Variants in ZFHX3 observed in about 807,000 individuals in gnomAD.
The protein encoded by ZFHX3 is zinc finger homeobox protein 3.
In ZFHX3, 42 loss-of-function variants were observed where a neutral mutation model predicts 279.1. That is an observed-to-expected ratio of 0.15 (90% CI 0.12 to 0.19). ZFHX3 has a LOEUF of 0.19. Ranked by LOEUF, ZFHX3 falls within the 10% of genes least tolerant of loss-of-function variation. The probability of loss-of-function intolerance (pLI) is 1.00; values close to 1 mark genes in which losing one functional copy is unlikely to be tolerated. For missense variants in ZFHX3, 4,981 were observed against 4,754.0 expected (o/e 1.05, Z -1.40); for synonymous variants, 2,293 against 1,957.8 (o/e 1.17, Z -4.52).
chr16:73,699,144 A>G (rs1421503175), intron 1 of ZFHX3, among the ~76,000 whole-genome samples: 2 of 152,160 alleles, frequency 1.3e-5, no homozygotes, highest in East Asian at 1.9e-4. Context: ...TGGCCTCCCA[A>G]TCAAGTACGG....
intron 3 of ZFHX3, among the ~76,000 whole-genome samples, chr16:73,329,194 C>A (rs1030509980): frequency 6.6e-6 from 1 of 152,230 alleles, no homozygotes; most frequent in Admixed American, 6.5e-5. Flanking sequence ...GGGTGGCGAA[C>A]CAGATTCACC....
chr16:73,158,967 A>G (rs762255117), intron 5 of ZFHX3, among the ~76,000 whole-genome samples: 1 of 152,244 alleles, frequency 6.6e-6, no homozygotes, highest in Non-Finnish European at 1.5e-5. Flanking sequence ...ACTCAAAACC[A>G]TGAAAACCCT....
chr16:73,775,615 C>T (rs1312183366), intron 1 of ZFHX3, among the ~76,000 whole-genome samples: 2 of 152,148 alleles, frequency 1.3e-5, no homozygotes, highest in African/African-American at 2.4e-5. Context: ...TAACCTCTAA[C>T]ACTGATGAAA....
intron 4 of ZFHX3, among the ~76,000 whole-genome samples, chr16:73,297,909 G>T (rs1248694843): frequency 6.6e-6 from 1 of 151,884 alleles, no homozygotes; most frequent in Non-Finnish European, 1.5e-5. Context: ...CTTTGTCCAG[G>T]CTTGGTGACT....
chr16:73,426,571 G>C (rs1157107477), intron 3 of ZFHX3, among the ~76,000 whole-genome samples: 1 of 151,970 alleles, frequency 6.6e-6, no homozygotes, highest in South Asian at 2.1e-4. Flanking sequence ...ATAATCATAG[G>C]GTGTGTGTGT....
In ZFHX3 at chr16:72,823,638, G is replaced by T. The variant is rs573213976; in HGVS notation, c.3529+6141C>A. Among the ~76,000 whole-genome samples, 8 of 152,310 alleles carry T rather than the reference G, an allele frequency of 5.3e-5. No homozygotes were observed. In the East Asian group the frequency reaches 1.5e-3, roughly 29 times the overall value. On this transcript the variant is annotated intron_variant, in intron 5 of 9. Transcript: ENST00000268489. ...GTATATTAACTAGCCACAGACAAGAGAAATCTGGGAAAGTTATTAGCATTC... is the reference window on the plus strand; with the variant it reads ...GTATATTAACTAGCCACAGACAAGATAAATCTGGGAAAGTTATTAGCATTC...
chr16:73,759,628 C>T (rs960774781), intron 1 of ZFHX3, among the ~76,000 whole-genome samples: 1 of 152,166 alleles, frequency 6.6e-6, no homozygotes, highest in African/African-American at 2.4e-5. Context: ...TCTTTAAGGA[C>T]TCCCTACTCA....
intron 1 of ZFHX3, among the ~76,000 whole-genome samples, chr16:73,860,346 T>C (rs1472316604): frequency 6.6e-6 from 1 of 152,178 alleles, no homozygotes; most frequent in East Asian, 1.9e-4. Context: ...CTTTTCAAAC[T>C]CTTCCATTTT....
At chr16:73,222,439 A>C (rs1051296334) in intron 5 of ZFHX3, among the ~76,000 whole-genome samples, 4 of 152,134 alleles carry the variant, frequency 2.6e-5, no homozygotes, top group Admixed American at 2.6e-4. Context: ...AACAAGTGGA[A>C]TTTGAAATTA....
chr16:73,872,157 A>G (rs77317782), intron 1 of ZFHX3, among the ~76,000 whole-genome samples: 3,328 of 152,296 alleles, frequency 0.022, 52 homozygotes, highest in Non-Finnish European at 0.033. Context: ...CCCAAAAGCC[A>G]TGACCAACAC....
At chr16:73,816,929 G>A (rs548319026) in intron 1 of ZFHX3, among the ~76,000 whole-genome samples, 1 of 152,304 alleles carries the variant, frequency 6.6e-6, no homozygotes, top group Admixed American at 6.5e-5. Flanking sequence ...GAAATCCAAT[G>A]AGGTTGCAGT....
intron 2 of ZFHX3, among the ~76,000 whole-genome samples, chr16:73,537,483 ATTGT>A (rs2019925523): frequency 6.6e-6 from 1 of 152,002 alleles, no homozygotes; most frequent in Middle Eastern, 3.4e-3. Context: ...CGCCCGGCTA[ATTGT>A]TTGTATTTCT....
intron 2 of ZFHX3, among the ~76,000 whole-genome samples, chr16:73,458,607 C>T (rs907352726): frequency 6.6e-6 from 1 of 152,138 alleles, no homozygotes; most frequent in Admixed American, 6.5e-5. Flanking sequence ...ATCCACTCAC[C>T]TCGGCTTACA....
At chr16:73,072,096 G>A (rs62052366) in intron 8 of ZFHX3, among the ~76,000 whole-genome samples, 5,598 of 152,334 alleles carry the variant, frequency 0.037, 152 homozygotes, top group African/African-American at 0.078. Flanking sequence ...AGAAAGGTGG[G>A]ATTCTACCTG....
intron 3 of ZFHX3, among the ~76,000 whole-genome samples, chr16:73,342,835 C>A (rs745818514): frequency 3.3e-5 from 5 of 152,072 alleles, no homozygotes; most frequent in Non-Finnish European, 5.9e-5. Context: ...GGGAGAACAC[C>A]CCTAATAGAA....
intron 5 of ZFHX3, among the ~76,000 whole-genome samples, chr16:73,191,979 T>G (rs549860902): frequency 6.6e-6 from 1 of 152,276 alleles, no homozygotes; most frequent in East Asian, 1.9e-4. Flanking sequence ...ACCCTGGGCC[T>G]CCCCCGTTAG....
intron 1 of ZFHX3, among the ~76,000 whole-genome samples, chr16:73,872,342 T>C (rs985655574): frequency 2.6e-5 from 4 of 152,096 alleles, no homozygotes; most frequent in Non-Finnish European, 5.9e-5. Context: ...CCCAGGCTCT[T>C]AGCCTCCCCA....
intron 1 of ZFHX3, among the ~76,000 whole-genome samples, chr16:73,857,303 G>A (rs1295060511): frequency 6.6e-6 from 1 of 152,182 alleles, no homozygotes; most frequent in Admixed American, 6.5e-5. Context: ...AAAATGTGCT[G>A]TATTACAGTT....
chr16:72,875,942 C>G (rs1274140669), intron 4 of ZFHX3, among the ~76,000 whole-genome samples: 5 of 152,158 alleles, frequency 3.3e-5, no homozygotes, highest in Non-Finnish European at 7.3e-5. Context: ...CCAGCCCATG[C>G]CCCGGTGATT....
Sources: gnomAD v4.1 joint callset for allele counts (sites outside exome capture counted in the v4.1 genomes callset) on GRCh38, gnomAD v4.1.1 for gene constraint, MANE v1.5 for transcripts, NCBI Gene and HGNC (gene_info 2026-07-23, HGNC 2026-07-21) for gene names.